BUD31: variants seen among roughly 807,000 people sequenced by gnomAD.
The protein encoded by BUD31 is BUD31 spliceosome associated protein.
A neutral mutation model predicts 17.9 loss-of-function variants in BUD31; 9 were observed. That is an observed-to-expected ratio of 0.50 (90% confidence interval 0.30 to 0.88). The LOEUF (loss-of-function observed/expected upper bound fraction) is 0.88. Among genes scored for constraint, BUD31 ranks in the 40% least tolerant of loss-of-function variants. The pLI, the probability that BUD31 is intolerant of heterozygous loss-of-function variation, is 0.06. For missense variants in BUD31, 148 were observed against 184.5 expected, an observed-to-expected ratio of 0.80 and a Z score of 1.15; for synonymous variants, 70 against 64.7, an observed-to-expected ratio of 1.08 and a Z score of -0.39.
At chr7:99,411,880 T>C (rs1397910065) in intron 3 of BUD31, 7 of 348,784 alleles carry the variant, frequency 2.0e-5, no homozygotes, top group Non-Finnish European at 1.1e-5. Flanking sequence ...CTAATTTTTG[T>C]ATTTTTAGTA....
At chr7:99,409,479 G>A (rs974150549) in intron 1 of BUD31, among the ~76,000 whole-genome samples, 5 of 151,934 alleles carry the variant, frequency 3.3e-5, no homozygotes, top group African/African-American at 1.2e-4. Context: ...CCTCCGAGAG[G>A]CCTCTTCTGA....
intron 5 of BUD31, 73 bp from the exon 6 acceptor site, chr7:99,419,318 G>T (rs1257878942): frequency 1.3e-6 from 2 of 1,561,582 alleles, no homozygotes; most frequent in Admixed American, 1.7e-5. Context: ...TCGTGGGAGG[G>T]TTGCCACATA....
intron 3 of BUD31, chr7:99,411,722 TG>T (rs1484327580): frequency 2.2e-6 from 1 of 456,028 alleles, no homozygotes; most frequent in Admixed American, 2.4e-5. Context: ...TTTTATTTTT[TG>T]AGTTGGAGTC....
At chr7:99,411,973 T>C (rs1795208032) in intron 3 of BUD31, 2 of 295,642 alleles carry the variant, frequency 6.8e-6, no homozygotes, top group Admixed American at 4.8e-5. Context: ...CCCAAAGTGA[T>C]GGGATTACAG....
intron 3 of BUD31, among the ~76,000 whole-genome samples, chr7:99,415,587 A>T (rs1725198277): frequency 6.6e-6 from 1 of 152,072 alleles, no homozygotes; most frequent in Non-Finnish European, 1.5e-5. Flanking sequence ...CCCCGGGGAA[A>T]GGGAGATTCC....
At chr7:99,417,913 C>T (rs1215989244) in intron 5 of BUD31, 3 of 1,304,384 alleles carry the variant, frequency 2.3e-6, no homozygotes, top group Non-Finnish European at 9.8e-7. Flanking sequence ...GAAGGACAAC[C>T]AGTGAGTTCC....
chr7:99,412,632 G>GA (rs1276934123), intron 3 of BUD31, among the ~76,000 whole-genome samples: 1 of 147,406 alleles, frequency 6.8e-6, no homozygotes, highest in Non-Finnish European at 1.5e-5. Flanking sequence ...TTTTTTTTGA[G>GA]ACGGAGTCTC....
At chr7:99,410,926 A>G in intron 2 of BUD31, 138 bp from the exon 3 acceptor site, 1 of 604,210 alleles carries the variant, frequency 1.7e-6, no homozygotes, top group South Asian at 2.0e-5. Context: ...CAGGATTTGA[A>G]CACAGTCTGG....
chr7:99,419,379 C>T lies in BUD31; in HGVS notation c.385-12C>T, dbSNP rs781090135. ...CGCAGTGGCATCGTCTCACTGTCCT[C>T]CTCCGTTGCAGGGCCGCATCATCGA... On this transcript the variant is annotated splice_polypyrimidine_tract_variant and intron_variant, in intron 5 of 5. Transcript: ENST00000222969. 3.7e-6 allele frequency: 6 copies of T among 1,613,016 alleles called. No individual in the cohort carries two copies. The highest frequency in any genetic ancestry group is 4.5e-5 in the East Asian group (2 of 44,872).
rs144393536 is a variant in BUD31, at chr7:99,418,070, C to T, written c.384+475C>T. 3.2e-3 allele frequency: 2,910 copies of T among 897,710 alleles called. 33 individuals are homozygous for T. The African/African-American group carries it at 0.039, about 12-fold the overall frequency. 55.6% of individuals were successfully genotyped at this position (897,710 alleles called of 1,614,324 possible). A position where few individuals can be genotyped will look rare whatever the true frequency, so the allele number is the denominator to read the frequency against. ...GCAACCTCCACCTCCCGGGTTCAAG[C>T]GGTTCTCCTGCCTCATCCTCCTGAG... On this transcript the variant is annotated intron_variant, in intron 5 of 5. Coordinates refer to ENST00000222969, the MANE Select transcript of BUD31 (RefSeq NM_003910.4).
chr7:99,418,968 T>G (rs2150941478), intron 5 of BUD31: 1 of 182,986 alleles, frequency 5.5e-6, no homozygotes, highest in African/African-American at 2.4e-5. Flanking sequence ...CAGAAGGGTG[T>G]GACTCAAGTG....
chr7:99,409,874 TTC>T (rs966882853), intron 1 of BUD31, among the ~76,000 whole-genome samples, 158 bp from the exon 2 acceptor site: 6 of 152,172 alleles, frequency 3.9e-5, no homozygotes, highest in Admixed American at 3.3e-4. Context: ...TTAACCTGGG[TTC>T]TCTCTGGCAG....
intron 3 of BUD31, 44 bp from the exon 4 acceptor site, chr7:99,416,094 A>G: frequency 1.2e-6 from 2 of 1,604,752 alleles, no homozygotes; most frequent in Non-Finnish European, 1.7e-6. Flanking sequence ...AATCCTGCGC[A>G]GACCGACCCT....
At chr7:99,411,588 T>C (rs1014845598) in intron 3 of BUD31, among the ~76,000 whole-genome samples, 2 of 152,220 alleles carry the variant, frequency 1.3e-5, no homozygotes, top group Non-Finnish European at 2.9e-5. Flanking sequence ...TCCTTGTAAA[T>C]GGCGTGTGAT....
At chr7:99,416,570 C>T (rs1190452713) in intron 4 of BUD31, among the ~76,000 whole-genome samples, 1 of 152,026 alleles carries the variant, frequency 6.6e-6, no homozygotes, top group Non-Finnish European at 1.5e-5. Context: ...AGGCACCTGC[C>T]ACCACACCTG....
intron 1 of BUD31, 89 bp from the exon 2 acceptor site, chr7:99,409,943 CTT>C (rs1485276662): frequency 2.0e-5 from 3 of 152,188 alleles, no homozygotes; most frequent in African/African-American, 7.2e-5. Context: ...GGATCGGCCT[CTT>C]GTATGGGAAC....
chr7:99,417,736 G>A, intron 5 of BUD31, 141 bp downstream of exon 5: 2 of 1,535,896 alleles, frequency 1.3e-6, no homozygotes, highest in Non-Finnish European at 1.7e-6. Context: ...TCGTGGGAGT[G>A]GGTCCCTGTA....
intron 3 of BUD31, among the ~76,000 whole-genome samples, chr7:99,412,611 T>C (rs533152737): frequency 1.7e-3 from 257 of 151,572 alleles, no homozygotes; most frequent in South Asian, 3.5e-3. Context: ...CTTTTCTTTT[T>C]TTTCTTTTTT....
At chr7:99,416,580 G>A (rs1241628367) in intron 4 of BUD31, among the ~76,000 whole-genome samples, 1 of 151,758 alleles carries the variant, frequency 6.6e-6, no homozygotes, top group Non-Finnish European at 1.5e-5. Context: ...CACCACACCT[G>A]GCCAATTTTT....
Sources: allele counts gnomAD v4.1 joint callset (sites outside exome capture counted in the v4.1 genomes callset), GRCh38; gene constraint gnomAD v4.1.1; transcripts MANE v1.5; gene names NCBI Gene and HGNC (gene_info 2026-07-23, HGNC 2026-07-21).